ASCC3: variants seen among roughly 807,000 people sequenced by gnomAD.
The protein encoded by ASCC3 is activating signal cointegrator 1 complex subunit 3.
ASCC3 carries 158 observed loss-of-function variants against 256.3 expected under a neutral mutation model. The observed-to-expected ratio is 0.62, with a 90% CI of 0.54 to 0.70. The LOEUF (loss-of-function observed/expected upper bound fraction) is 0.70. Ranked by LOEUF, ASCC3 falls within the 30% of genes least tolerant of loss-of-function variation. The pLI, the probability that ASCC3 is intolerant of heterozygous loss-of-function variation, is 0.00. For missense variants in ASCC3, 2,259 were observed against 2,626.0 expected (o/e 0.86, Z 3.05); for synonymous variants, 948 against 883.4 (o/e 1.07, Z -1.30).
intron 14 of ASCC3, among the ~76,000 whole-genome samples, chr6:100,675,212 C>G (rs914602318): frequency 6.6e-6 from 1 of 150,686 alleles, no homozygotes; most frequent in African/African-American, 2.4e-5. Flanking sequence ...TGGTAACTGA[C>G]AGTAAAATTA....
intron 36 of ASCC3, among the ~76,000 whole-genome samples, chr6:100,560,187 T>G (rs1402920637): frequency 2.0e-5 from 3 of 152,178 alleles, no homozygotes; most frequent in African/African-American, 7.2e-5. Flanking sequence ...AAAATTTAGA[T>G]GTTTGAAGTT....
chr6:100,754,130 G>T (rs1582812596), intron 10 of ASCC3, among the ~76,000 whole-genome samples: 1 of 151,818 alleles, frequency 6.6e-6, no homozygotes, highest in African/African-American at 2.4e-5. Context: ...TACTAACAAT[G>T]GATACAATTT....
At chr6:100,836,801 A>C (rs546642277) in intron 4 of ASCC3, among the ~76,000 whole-genome samples, 1 of 152,212 alleles carries the variant, frequency 6.6e-6, no homozygotes, top group African/African-American at 2.4e-5. Context: ...TTTTTGGAAT[A>C]ATTTGAGTAG....
At chr6:100,683,286 G>A (rs1342905749) in intron 13 of ASCC3, among the ~76,000 whole-genome samples, 1 of 152,036 alleles carries the variant, frequency 6.6e-6, no homozygotes, top group Non-Finnish European at 1.5e-5. Flanking sequence ...TGAATTAGCA[G>A]ATATGGAGAA....
At chr6:100,603,284 A>C (rs1772719010) in intron 33 of ASCC3, among the ~76,000 whole-genome samples, 1 of 152,152 alleles carries the variant, frequency 6.6e-6, no homozygotes, top group Non-Finnish European at 1.5e-5. Context: ...ACACAGAAAA[A>C]ATTACATAAA....
intron 4 of ASCC3, among the ~76,000 whole-genome samples, chr6:100,833,498 T>C (rs760180652): frequency 6.6e-6 from 1 of 152,178 alleles, no homozygotes; most frequent in Non-Finnish European, 1.5e-5. Flanking sequence ...TATTGGCTTA[T>C]CAATCATAAC....
At chr6:100,523,838 C>A (rs1774425929) in intron 37 of ASCC3, among the ~76,000 whole-genome samples, 1 of 152,148 alleles carries the variant, frequency 6.6e-6, no homozygotes, top group South Asian at 2.1e-4. Flanking sequence ...GACAACGTAT[C>A]TTCTACATTT....
At chr6:100,765,692 T>C (rs1024472820) in intron 10 of ASCC3, among the ~76,000 whole-genome samples, 8 of 152,246 alleles carry the variant, frequency 5.3e-5, no homozygotes, top group African/African-American at 1.9e-4. Flanking sequence ...TCTCCTGAGG[T>C]TGTCACTGCT....
chr6:100,741,417 A>G (rs1225940375), intron 10 of ASCC3, among the ~76,000 whole-genome samples: 1 of 152,060 alleles, frequency 6.6e-6, no homozygotes, highest in Non-Finnish European at 1.5e-5. Context: ...CCAGAATTTG[A>G]ATGTTGGCCT....
intron 36 of ASCC3, among the ~76,000 whole-genome samples, chr6:100,585,556 G>A (rs1327128212): frequency 3.3e-5 from 5 of 151,954 alleles, no homozygotes; most frequent in East Asian, 1.9e-4. Flanking sequence ...TAGTTTGATC[G>A]TCTGAAGACT....
intron 4 of ASCC3, among the ~76,000 whole-genome samples, chr6:100,835,536 T>C (rs1182467059): frequency 6.6e-6 from 1 of 152,148 alleles, no homozygotes; most frequent in Non-Finnish European, 1.5e-5. Context: ...CTGTCCTTTA[T>C]CCATTGTGTC....
chr6:100,638,620 T>C lies in ASCC3; in HGVS notation c.4103A>G (p.Asn1368Ser), dbSNP rs199873492. 3.6e-5 allele frequency: 58 copies of C among 1,612,764 alleles called. No individual in the cohort carries two copies. In the African/African-American group the frequency reaches 7.2e-4, roughly 20 times the overall value. Reference sequence around the variant, plus strand: ...ACAGACCTTTGAAGTAGGGTATTTGTTGAAGACTCTGAAAATGGCTAATTC... The same window carrying C: ...ACAGACCTTTGAAGTAGGGTATTTGCTGAAGACTCTGAAAATGGCTAATTC... ...AAELAIFRVFNKYPTSKAVYI... is the reference protein window; with the variant it reads ...AAELAIFRVFSKYPTSKAVYI... Residue 1368 changes from asparagine (N) to serine (S), a missense_variant, in exon 25 of 42, where the codon AAC becomes AGC. By Grantham distance (46) the Asn-to-Ser change is conservative. Transcript: ENST00000369162.
intron 11 of ASCC3, among the ~76,000 whole-genome samples, chr6:100,725,007 A>G (rs1327990151): frequency 6.6e-6 from 1 of 152,014 alleles, no homozygotes; most frequent in Non-Finnish European, 1.5e-5. Context: ...ACATGGCTCA[A>G]TTGATTCACT....
chr6:100,705,466 G>C (rs1432011256), intron 13 of ASCC3, among the ~76,000 whole-genome samples: 2 of 152,000 alleles, frequency 1.3e-5, no homozygotes, highest in Non-Finnish European at 2.9e-5. Flanking sequence ...TTAGTTGCCT[G>C]AGAGTCATAG....
chr6:100,661,827 A>T lies in ASCC3; in HGVS notation c.2682T>A (p.Leu894=). The change falls in exon 16 of 42, where the codon CTT becomes CTA. Residue 894 remains leucine (L), a synonymous_variant. Coordinates refer to ENST00000369162, the MANE Select transcript of ASCC3 (RefSeq NM_006828.4). ...NPIESQFLES[L]ADNLNAEIAL... is the part of the protein sequence containing the mutation. ...TTACCTCTGCATTTAGGTTATCTGC[A>T]AGGCTTTCCAGAAACTGACTCTCAA... 1 of 1,613,182 alleles carries T rather than the reference A, an allele frequency of 6.2e-7. No individual in the cohort carries two copies. Among genetic ancestry groups the T allele is most frequent in the Non-Finnish European group, 8.5e-7 (1 of 1,179,310 alleles).
At chr6:100,723,869 TATATATA>T (rs1779464630) in intron 11 of ASCC3, among the ~76,000 whole-genome samples, 1 of 27,882 alleles carries the variant, frequency 3.6e-5, no homozygotes, top group Non-Finnish European at 6.3e-5. Flanking sequence ...ATTATATATA[TATATATA>T]TATATATATA....
intron 29 of ASCC3, among the ~76,000 whole-genome samples, chr6:100,625,953 G>C (rs968843854): frequency 1.3e-5 from 2 of 151,954 alleles, no homozygotes; most frequent in Non-Finnish European, 2.9e-5. Flanking sequence ...TAACGTAGAA[G>C]AGGGCTGAAG....
intron 4 of ASCC3, among the ~76,000 whole-genome samples, chr6:100,819,150 C>T (rs961998195): frequency 2.7e-5 from 4 of 148,594 alleles, no homozygotes; most frequent in African/African-American, 1.0e-4. Flanking sequence ...GAACATCACA[C>T]ATGGGAGCCT....
intron 3 of ASCC3, chr6:100,859,296 C>G (rs987220712): frequency 3.9e-6 from 3 of 774,234 alleles, no homozygotes; most frequent in Admixed American, 3.4e-5. Context: ...GCTTTGATAA[C>G]TTCTCTGATA....
Sources: gnomAD v4.1 joint callset for allele counts (sites outside exome capture counted in the v4.1 genomes callset) on GRCh38, gnomAD v4.1.1 for gene constraint, MANE v1.5 for transcripts, NCBI Gene and HGNC (gene_info 2026-07-23, HGNC 2026-07-21) for gene names.